OR1L8: variants seen among roughly 807,000 people sequenced by gnomAD.
The protein encoded by OR1L8 is olfactory receptor family 1 subfamily L member 8.
For synonymous variants in OR1L8, 148 were observed against 147.0 expected (o/e 1.01, Z -0.05); for missense variants, 330 against 377.4 (o/e 0.87, Z 1.04).
intron 1 of OR1L8, among the ~76,000 whole-genome samples, chr9:122,581,989 G>C (rs932821881): frequency 3.3e-5 from 5 of 152,122 alleles, no homozygotes; most frequent in African/African-American, 1.2e-4. Context: ...CAAGAAACAA[G>C]AGACAAAGCA....
chr9:122,561,684 G>C, the OR1L8 span, among the ~76,000 whole-genome samples: 1 of 152,154 alleles, frequency 6.6e-6, no homozygotes, highest in African/African-American at 2.4e-5. Flanking sequence ...GGGGAAGCTG[G>C]AGAACAGTAA....
chr9:122,579,038 T>TA lies in OR1L8; in HGVS notation c.-599-594dup, dbSNP rs200272592. On this transcript the variant is annotated intron_variant, in intron 1 of 4. Transcript: ENST00000641027. The stretch of plus-strand genomic sequence containing the variant: ...CTGTTCCCCAAAAACCTACTGAAAT[T>TA]AAAAAAAAATAGAAAGTCATTAAAA... 2.9e-3 allele frequency among the ~76,000 whole-genome samples: 426 copies of TA among 149,064 alleles called. 3 individuals are homozygous for TA. The highest frequency in any genetic ancestry group is 9.5e-3 in the African/African-American group (387 of 40,636).
rs946902343 is a variant in OR1L8 at position 122,582,649 on chromosome 9, G to A, written c.-600+672C>T. Among the ~76,000 whole-genome samples the A allele has an allele frequency of 5.9e-5, 9 of 152,104 alleles. 1 individual carries two copies. The highest frequency in any genetic ancestry group is 4.1e-4 in the South Asian group (2 of 4,830). ...ATGGAAGGATCACTTGAGCCCAGGA[G>A]TTTGAGGCTACAGTAAGCTACACCC... On this transcript the variant is annotated intron_variant, in intron 1 of 4. Coordinates refer to ENST00000641027, the MANE Select transcript of OR1L8 (RefSeq NM_001004454.2).
At chr9:122,553,071 T>A in the OR1L8 span, 8,344 of 819,270 alleles carry the variant, frequency 0.01, 66 homozygotes, top group Non-Finnish European at 0.014. Context: ...AGATTCTTAT[T>A]GGCAAAGACC....
chr9:122,578,315 G>A lies in OR1L8; in HGVS notation c.-478+9C>T. The A allele has an allele frequency of 6.6e-6, 1 of 152,166 alleles. No individual in the cohort carries two copies. Among genetic ancestry groups the A allele is most frequent in the Non-Finnish European group, 1.5e-5 (1 of 68,132 alleles). The allele number at this position is 152,166 out of a possible 1,614,324, so 9.4% of individuals were successfully genotyped here. A position where few individuals can be genotyped will look rare whatever the true frequency, so the allele number is the denominator to read the frequency against. On this transcript the variant is annotated intron_variant, in intron 2 of 4. Transcript: ENST00000641027. ...AATACAAAAATTAGCTGGTCATGGTGGCAGTCACCTGTAATCCCAGATACT... is the reference window on the plus strand; with the variant it reads ...AATACAAAAATTAGCTGGTCATGGTAGCAGTCACCTGTAATCCCAGATACT...
intron 1 of OR1L8, among the ~76,000 whole-genome samples, chr9:122,580,293 T>C (rs1181513724): frequency 6.6e-6 from 1 of 152,090 alleles, no homozygotes; most frequent in Non-Finnish European, 1.5e-5. Flanking sequence ...TATTGAGGAC[T>C]CTAACTGTAA....
intron 1 of OR1L8, among the ~76,000 whole-genome samples, chr9:122,582,881 T>C (rs1829754976): frequency 6.6e-6 from 1 of 151,866 alleles, no homozygotes; most frequent in Non-Finnish European, 1.5e-5. Flanking sequence ...AATAAAAGTG[T>C]AATTAAAATG....
chr9:122,566,996 G>A (rs1184707949), downstream of OR1L8: 1 of 151,814 alleles, frequency 6.6e-6, no homozygotes, highest in Non-Finnish European at 1.5e-5. Context: ...GTATAATAAA[G>A]GAAGGATAGA....
At chr9:122,580,144 T>G (rs1422384350) in intron 1 of OR1L8, among the ~76,000 whole-genome samples, 1 of 152,006 alleles carries the variant, frequency 6.6e-6, no homozygotes, top group African/African-American at 2.4e-5. Flanking sequence ...ATGTACCTAG[T>G]AACTGGACAA....
At chr9:122,582,265 C>T (rs75621144) in intron 1 of OR1L8, among the ~76,000 whole-genome samples, 1,706 of 152,262 alleles carry the variant, frequency 0.011, 94 homozygotes, top group Admixed American at 0.091. Flanking sequence ...TGAGAATACA[C>T]TCAAACTGCA....
At chr9:122,570,155 T>C (rs1829517387) in intron 4 of OR1L8, among the ~76,000 whole-genome samples, 1 of 149,716 alleles carries the variant, frequency 6.7e-6, no homozygotes, top group Non-Finnish European at 1.5e-5. Flanking sequence ...TGCATGTGTC[T>C]TTATAGCAGC....
chr9:122,570,785 T>C (rs902556012), intron 4 of OR1L8, among the ~76,000 whole-genome samples: 3 of 152,166 alleles, frequency 2.0e-5, no homozygotes, highest in Non-Finnish European at 4.4e-5. Context: ...TGCTGATATA[T>C]TGAGTGAATC....
the OR1L8 span, among the ~76,000 whole-genome samples, chr9:122,552,075 T>A: frequency 0.28 from 37,628 of 135,022 alleles, 5,892 homozygotes; most frequent in Middle Eastern, 0.32. Context: ...TCTCTCTCTC[T>A]CTCTCACACA....
intron 1 of OR1L8, among the ~76,000 whole-genome samples, chr9:122,581,010 G>A (rs1347157511): frequency 6.6e-6 from 1 of 152,118 alleles, no homozygotes; most frequent in Non-Finnish European, 1.5e-5. Context: ...TCTAAGGCCA[G>A]CTCTAAAAAG....
At chr9:122,559,290 T>C in the OR1L8 span, among the ~76,000 whole-genome samples, 1 of 152,058 alleles carries the variant, frequency 6.6e-6, no homozygotes, top group Non-Finnish European at 1.5e-5. Flanking sequence ...TTTTTCTATA[T>C]GTAATATTTA....
the OR1L8 span, chr9:122,553,488 C>T: frequency 1.9e-6 from 3 of 1,613,806 alleles, no homozygotes; most frequent in Non-Finnish European, 2.5e-6. Context: ...TACCCAGAGT[C>T]AGATCATCTC....
At chr9:122,569,114 A>G (rs1465478086) in intron 4 of OR1L8, among the ~76,000 whole-genome samples, 2 of 152,114 alleles carry the variant, frequency 1.3e-5, no homozygotes, top group African/African-American at 4.8e-5. Flanking sequence ...CGACTGTTGA[A>G]CGCAGTCAAT....
At position 122,567,765 on chromosome 9, in the gene OR1L8, G is replaced by T. The variant is rs2118710426; in HGVS notation, c.713C>A (p.Ala238Asp). 6.2e-7 allele frequency: 1 copy of T among 1,614,092 alleles called. No homozygotes were observed. Among genetic ancestry groups the T allele is most frequent in the South Asian group, 1.1e-5 (1 of 91,080 alleles). ...KIPSTSGKRK[A>D]FSTCGFYLTV... ...GAGGTAAAAACCACAGGTGGAGAAG[G>T]CTTTGCGTTTCCCAGAAGTAGAGGG... The change falls in exon 5 of 5, where the codon GCC (alanine) becomes GAC (aspartate). Residue 238 changes from alanine (A) to aspartate (D), a missense_variant. Physicochemically the swap from Ala to Asp is moderately radical, Grantham distance 126 (BLOSUM62 -2). Transcript: ENST00000641027.
intron 4 of OR1L8, among the ~76,000 whole-genome samples, chr9:122,571,417 G>A (rs956759474): frequency 8.0e-4 from 122 of 152,102 alleles, no homozygotes; most frequent in African/African-American, 2.7e-3. Context: ...AGGCATGGTG[G>A]CGGGGGCCTG....
Sources: allele counts gnomAD v4.1 joint callset (sites outside exome capture counted in the v4.1 genomes callset), GRCh38; gene constraint gnomAD v4.1.1; transcripts MANE v1.5; gene names NCBI Gene and HGNC (gene_info 2026-07-23, HGNC 2026-07-21).